The following FAR2 variants were observed in gnomAD, a reference collection of about 807,000 sequenced individuals.
FAR2 encodes the protein epididymis secretory protein Li 81.
FAR2 carries 19 observed loss-of-function variants against 56.0 expected under a neutral mutation model. The observed-to-expected ratio is 0.34, with a 90% CI of 0.24 to 0.50. The LOEUF is 0.50. FAR2 is among the 20% of genes least tolerant of loss of function. The pLI is 0.98. For synonymous variants in FAR2, 219 were observed against 218.8 expected, an observed-to-expected ratio of 1.00 and a Z score of -0.01; for missense variants, 508 against 642.2, an observed-to-expected ratio of 0.79 and a Z score of 2.26.
At chr12:29,265,160 GA>G (rs1210698586) in intron 1 of FAR2, among the ~76,000 whole-genome samples, 2 of 152,210 alleles carry the variant, frequency 1.3e-5, no homozygotes, top group East Asian at 3.9e-4. Flanking sequence ...ATTTCTCACA[GA>G]AATAGAAAAA....
intron 7 of FAR2, 103 bp downstream of exon 7, chr12:29,311,249 T>C: frequency 1.4e-6 from 1 of 739,406 alleles, no homozygotes; most frequent in Non-Finnish European, 2.4e-6. Context: ...AGACCCCAAA[T>C]GTGTGAAAGT....
intron 9 of FAR2, among the ~76,000 whole-genome samples, chr12:29,320,999 C>T (rs1429408204): frequency 6.6e-6 from 1 of 152,012 alleles, no homozygotes; most frequent in Non-Finnish European, 1.5e-5. Flanking sequence ...GCAGACTTAC[C>T]TAACAAAGAT....
chr12:29,173,507 G>A (rs757349894), intron 1 of FAR2, among the ~76,000 whole-genome samples: 1 of 152,172 alleles, frequency 6.6e-6, no homozygotes, highest in Non-Finnish European at 1.5e-5. Context: ...CCCTCTTACA[G>A]AAAAGATCAA....
At chr12:29,177,085 C>A (rs763852529) in intron 1 of FAR2, among the ~76,000 whole-genome samples, 12 of 152,188 alleles carry the variant, frequency 7.9e-5, no homozygotes, top group Admixed American at 3.3e-4. Flanking sequence ...AAGGAACTTT[C>A]TGAAATGCAT....
At chr12:29,327,775 A>T (rs1337902338) in intron 10 of FAR2, among the ~76,000 whole-genome samples, 1 of 152,214 alleles carries the variant, frequency 6.6e-6, no homozygotes, top group Non-Finnish European at 1.5e-5. Context: ...AAAGACTTAC[A>T]CGTTAGACCT....
At position 29,334,089 on chromosome 12, in the gene FAR2, T is replaced by A. The variant is rs935784515; in HGVS notation, c.*295T>A. The A allele has an allele frequency of 9.0e-6, 2 of 221,116 alleles. No individual in the cohort carries two copies. Among genetic ancestry groups the A allele is most frequent in the Non-Finnish European group, 1.8e-5 (2 of 112,936 alleles). 13.7% of individuals were successfully genotyped at this position (221,116 alleles called of 1,614,324 possible). ...AGTACTCCCACTTTTCTATATTTAG[T>A]TTTTCTTTTCTCTCTGAGATGATTC... is the stretch of plus-strand genomic sequence containing the variant. On this transcript the variant is annotated 3_prime_UTR_variant, in exon 12 of 12. Transcript: ENST00000536681.
chr12:29,328,223 TAGAATGGCAATCATTAAAAAGTC>T (rs1176840246), intron 10 of FAR2, among the ~76,000 whole-genome samples: 1 of 152,074 alleles, frequency 6.6e-6, no homozygotes, highest in Non-Finnish European at 1.5e-5. Context: ...TCACACCAGT[TAGAATGGCAATCATTAAAAAGTC>T]AGGAAACAAC....
chr12:29,248,267 A>G (rs1424849420), intron 1 of FAR2, among the ~76,000 whole-genome samples: 1 of 152,204 alleles, frequency 6.6e-6, no homozygotes, highest in Admixed American at 6.5e-5. Context: ...AACCTGCCCC[A>G]ATATTCACAT....
At position 29,334,930 on chromosome 12, in the gene FAR2, T is replaced by C. The variant is rs980449120; in HGVS notation, c.*1136T>C. 1 of 152,190 alleles carries C rather than the reference T, an allele frequency of 6.6e-6. No homozygotes were observed. The highest frequency in any genetic ancestry group is 1.5e-5 in the Non-Finnish European group (1 of 68,022). The allele number at this position is 152,190 out of a possible 1,614,324, so 9.4% of individuals were successfully genotyped here. ...GTATAATACAAACTAATGAAAACTA[T>C]ACATATTCTCCAATTCCTATAGTAA... On this transcript the variant is annotated 3_prime_UTR_variant, in exon 12 of 12. Coordinates refer to ENST00000536681, the MANE Select transcript of FAR2 (RefSeq NM_001271783.2).
At chr12:29,231,563 C>A (rs1210117900) in intron 1 of FAR2, among the ~76,000 whole-genome samples, 1 of 152,094 alleles carries the variant, frequency 6.6e-6, no homozygotes, top group Non-Finnish European at 1.5e-5. Context: ...GAGAGACATT[C>A]TGAAACTTAA....
chr12:29,321,266 C>T (rs1046188537), intron 9 of FAR2, among the ~76,000 whole-genome samples: 3 of 152,118 alleles, frequency 2.0e-5, no homozygotes, highest in Admixed American at 1.3e-4. Context: ...TGGCTCATGC[C>T]TGCAATCCCA....
intron 1 of FAR2, among the ~76,000 whole-genome samples, chr12:29,234,074 C>T (rs561661390): frequency 2.6e-5 from 4 of 152,272 alleles, no homozygotes; most frequent in Admixed American, 6.5e-5. Flanking sequence ...GTCTTTCTCA[C>T]GCTCCTTGTA....
At chr12:29,328,241 A>T (rs1464122541) in intron 10 of FAR2, among the ~76,000 whole-genome samples, 2 of 152,178 alleles carry the variant, frequency 1.3e-5, no homozygotes, top group Non-Finnish European at 2.9e-5. Context: ...CAATCATTAA[A>T]AAGTCAGGAA....
At chr12:29,258,552 T>C (rs1207470067) in intron 1 of FAR2, among the ~76,000 whole-genome samples, 1 of 152,220 alleles carries the variant, frequency 6.6e-6, no homozygotes. Flanking sequence ...AGCAATGACT[T>C]TGTTTGATAT....
chr12:29,292,989 C>G (rs1312725849), intron 2 of FAR2: 1 of 181,690 alleles, frequency 5.5e-6, no homozygotes, highest in Non-Finnish European at 1.1e-5. Flanking sequence ...TCTCAGCCTC[C>G]CAAGCAGTTG....
At chr12:29,272,755 C>G (rs543020430) in intron 2 of FAR2, among the ~76,000 whole-genome samples, 1 of 152,234 alleles carries the variant, frequency 6.6e-6, no homozygotes, top group East Asian at 1.9e-4. Context: ...TTGATTCTTT[C>G]TTATCTTTGT....
intron 10 of FAR2, among the ~76,000 whole-genome samples, chr12:29,327,438 A>G (rs949111513): frequency 1.5e-4 from 23 of 152,248 alleles, no homozygotes; most frequent in African/African-American, 5.3e-4. Flanking sequence ...AAGAGCCCGC[A>G]TTGCCAAGTC....
chr12:29,166,641 T>A (rs1409647106), intron 1 of FAR2, among the ~76,000 whole-genome samples: 1 of 152,250 alleles, frequency 6.6e-6, no homozygotes, highest in African/African-American at 2.4e-5. Flanking sequence ...AGCACTCTGA[T>A]GCTTTGACCT....
chr12:29,320,308 T>C (rs1181283494), intron 9 of FAR2, among the ~76,000 whole-genome samples: 1 of 152,236 alleles, frequency 6.6e-6, no homozygotes, highest in Non-Finnish European at 1.5e-5. Flanking sequence ...TGATATCATG[T>C]CCAACCGTTA....
Sources: allele counts gnomAD v4.1 joint callset (sites outside exome capture counted in the v4.1 genomes callset), GRCh38; gene constraint gnomAD v4.1.1; transcripts MANE v1.5; gene names NCBI Gene and HGNC (gene_info 2026-07-23, HGNC 2026-07-21).